ZNF521: variants seen among roughly 807,000 people sequenced by gnomAD.
The protein encoded by ZNF521 is LYST-interacting protein 3.
A neutral mutation model predicts 105.5 loss-of-function variants in ZNF521; 14 were observed. That is an observed-to-expected ratio of 0.13 (90% CI 0.09 to 0.21). ZNF521 has a LOEUF of 0.21. Among genes scored for constraint, ZNF521 ranks in the 10% least tolerant of loss-of-function variants. The probability of loss-of-function intolerance (pLI) is 1.00; values close to 1 mark genes in which losing one functional copy is unlikely to be tolerated. For synonymous variants in ZNF521, 635 were observed against 606.0 expected (o/e 1.05, Z -0.70); for missense variants, 1,233 against 1,629.7 (o/e 0.76, Z 4.19).
chr18:25,125,143 T>C (rs1361338755), intron 5 of ZNF521, among the ~76,000 whole-genome samples: 1 of 152,160 alleles, frequency 6.6e-6, no homozygotes. Flanking sequence ...CCCATAAATC[T>C]AGCAGTTTAT....
At position 25,227,080 on chromosome 18, in the gene ZNF521, C is replaced by T. The variant is rs1906205517; in HGVS notation, c.838G>A (p.Ala280Thr). 3.1e-6 allele frequency: 5 copies of T among 1,614,102 alleles called. No individual in the cohort carries two copies. In the Middle Eastern group the frequency reaches 4.9e-4, roughly 160 times the overall value. ...PECSPNEDRAALQCVYCHELF... is the reference protein window; with the variant it reads ...PECSPNEDRATLQCVYCHELF... ...TCGTGGCAGTAGACACACTGGAGGG[C>T]CGCTCGGTCCTCATTTGGGGAGCAT... is the stretch of plus-strand genomic sequence containing the variant. Residue 280 changes from alanine (A) to threonine (T), a missense_variant, in exon 4 of 8, where the codon GCC becomes ACC. Physicochemically the swap from Ala to Thr is moderately conservative, Grantham distance 58. Around this residue, in one of 6 missense-constraint regions of ZNF521, gnomAD observed 380 missense variants for 478.0 expected, o/e 0.80. Transcript: ENST00000361524. This position sits in a 1 kb window ranked among gnomAD's most constrained non-coding sequence, Gnocchi z 5.7.
At chr18:25,351,886 GGCAGCAGCGGCGGCAGCGGCGGCGGCA>G in intron 1 of ZNF521, 92 bp downstream of exon 1, 1 of 276,434 alleles carries the variant, frequency 3.6e-6, no homozygotes, top group Non-Finnish European at 7.3e-6. Context: ...CAGCGGCGGC[GGCAGCAGCGGCGGCAGCGGCGGCGGCA>G]GCGGCGGCGA....
intron 3 of ZNF521, among the ~76,000 whole-genome samples, chr18:25,316,528 C>T (rs1912630698): frequency 1.3e-5 from 2 of 152,144 alleles, no homozygotes; most frequent in South Asian, 4.1e-4. Flanking sequence ...CACTAAAAGG[C>T]TTTAACCAAG....
At chr18:25,326,847 T>C (rs1024281077) in intron 2 of ZNF521, among the ~76,000 whole-genome samples, 3 of 152,312 alleles carry the variant, frequency 2.0e-5, no homozygotes, top group East Asian at 3.9e-4. Context: ...ACTCCACTTA[T>C]ATACTCACGC....
intron 5 of ZNF521, among the ~76,000 whole-genome samples, chr18:25,181,499 T>C (rs1443687526): frequency 2.0e-5 from 3 of 152,146 alleles, no homozygotes; most frequent in African/African-American, 7.2e-5. Flanking sequence ...TTCAACAAGC[T>C]GCCCCACTAC....
chr18:25,274,496 G>T (rs1909906185), intron 3 of ZNF521, among the ~76,000 whole-genome samples: 2 of 152,140 alleles, frequency 1.3e-5, no homozygotes, highest in Admixed American at 1.3e-4. Flanking sequence ...TTTATTAGAG[G>T]TTAATGGCAT....
chr18:25,212,035 C>A (rs1278459903), intron 4 of ZNF521, among the ~76,000 whole-genome samples: 2 of 152,088 alleles, frequency 1.3e-5, no homozygotes, highest in Non-Finnish European at 1.5e-5. Flanking sequence ...CTGTGTGGTT[C>A]TGTGGACTAA....
chr18:25,110,599 CAA>C (rs371927361), intron 5 of ZNF521, among the ~76,000 whole-genome samples: 3 of 151,422 alleles, frequency 2.0e-5, no homozygotes, highest in African/African-American at 7.3e-5. Flanking sequence ...AATATGTCGT[CAA>C]AGAGATCTTT....
intron 2 of ZNF521, among the ~76,000 whole-genome samples, chr18:25,338,143 T>C (rs892149901): frequency 1.3e-5 from 2 of 152,056 alleles, no homozygotes; most frequent in African/African-American, 2.4e-5. Flanking sequence ...TAAGGAACAG[T>C]TGGAAGGGGC....
chr18:25,244,309 C>CACAT (rs1555652074), intron 3 of ZNF521, among the ~76,000 whole-genome samples: 5 of 151,508 alleles, frequency 3.3e-5, no homozygotes, highest in African/African-American at 1.2e-4. Context: ...CACACACACA[C>CACAT]ACACTCTCAC....
chr18:25,113,586 G>C (rs1016911763), intron 5 of ZNF521, among the ~76,000 whole-genome samples: 5 of 152,074 alleles, frequency 3.3e-5, no homozygotes, highest in Non-Finnish European at 5.9e-5. Context: ...TAAATTTAGA[G>C]AGGGAGAAAA....
intron 3 of ZNF521, among the ~76,000 whole-genome samples, chr18:25,240,870 C>T (rs1907275248): frequency 6.6e-6 from 1 of 151,616 alleles, no homozygotes; most frequent in African/African-American, 2.4e-5. Context: ...TCCAGGTTCC[C>T]TTACCCCTCG....
chr18:25,331,943 T>A (rs2145178451), intron 2 of ZNF521, among the ~76,000 whole-genome samples: 1 of 149,614 alleles, frequency 6.7e-6, no homozygotes, highest in East Asian at 2.0e-4. Context: ...ACTGCAATCA[T>A]ATATTTGAAA....
At chr18:25,317,673 T>G (rs1912714787) in intron 3 of ZNF521, among the ~76,000 whole-genome samples, 1 of 152,204 alleles carries the variant, frequency 6.6e-6, no homozygotes, top group African/African-American at 2.4e-5. Context: ...AAATGGCATC[T>G]TACTAATCAT....
At chr18:25,204,812 T>G (rs2036050595) in intron 4 of ZNF521, among the ~76,000 whole-genome samples, 1 of 152,134 alleles carries the variant, frequency 6.6e-6, no homozygotes, top group African/African-American at 2.4e-5. Flanking sequence ...CACAGTCCAC[T>G]GAGACCTTCC....
intron 4 of ZNF521, among the ~76,000 whole-genome samples, chr18:25,205,904 T>A (rs1260768235): frequency 6.6e-6 from 1 of 152,222 alleles, no homozygotes; most frequent in African/African-American, 2.4e-5. Flanking sequence ...TTCGTTTACA[T>A]GTTGTATCAG....
At chr18:25,209,079 T>G (rs1241710294) in intron 4 of ZNF521, among the ~76,000 whole-genome samples, 1 of 152,244 alleles carries the variant, frequency 6.6e-6, no homozygotes, top group Non-Finnish European at 1.5e-5. Flanking sequence ...ATCTTTGTGT[T>G]GAAATATCTC....
intron 5 of ZNF521, among the ~76,000 whole-genome samples, chr18:25,104,646 T>A (rs1036647123): frequency 6.6e-6 from 1 of 152,192 alleles, no homozygotes; most frequent in Admixed American, 6.6e-5. Flanking sequence ...ATTTTTAAAT[T>A]TGACAATCTG....
chr18:25,277,192 A>C (rs1910089351), intron 3 of ZNF521, among the ~76,000 whole-genome samples: 1 of 152,118 alleles, frequency 6.6e-6, no homozygotes, highest in African/African-American at 2.4e-5. Context: ...CAAAAAAAAA[A>C]AAAAAGTGTA....
Sources: gnomAD v4.1 joint callset for allele counts (sites outside exome capture counted in the v4.1 genomes callset) on GRCh38, gnomAD v4.1.1 for gene constraint, gnomAD v4.1.1 regional missense constraint, Gnocchi (gnomAD v3.1) non-coding constraint, MANE v1.5 for transcripts, NCBI Gene and HGNC (gene_info 2026-07-23, HGNC 2026-07-21) for gene names.